The following USP34 variants were observed in gnomAD, a reference collection of about 807,000 sequenced individuals.
The protein encoded by USP34 is ubiquitin carboxyl-terminal hydrolase 34.
A neutral mutation model predicts 460.3 loss-of-function variants in USP34; 70 were observed. That is an observed-to-expected ratio of 0.15 (90% CI 0.13 to 0.19). USP34 has a LOEUF of 0.19. Ranked by LOEUF, USP34 falls within the 10% of genes least tolerant of loss-of-function variation. USP34 has a pLI of 1.00. For missense variants in USP34, 3,985 were observed against 4,236.2 expected (o/e 0.94, Z 1.65); for synonymous variants, 1,647 against 1,405.3 (o/e 1.17, Z -3.85).
intron 6 of USP34, among the ~76,000 whole-genome samples, chr2:61,382,856 T>G (rs1467341283): frequency 1.3e-5 from 2 of 152,364 alleles, no homozygotes; most frequent in East Asian, 3.9e-4. Context: ...CTATTTATCC[T>G]ATAATACTTA....
At chr2:61,324,216 T>G (rs1400592900) in intron 21 of USP34, among the ~76,000 whole-genome samples, 1 of 152,226 alleles carries the variant, frequency 6.6e-6, no homozygotes, top group Non-Finnish European at 1.5e-5. Flanking sequence ...GAAATCAAGC[T>G]CGTTCCTCTC....
chr2:61,279,699 T>A (rs1689478385), intron 39 of USP34, among the ~76,000 whole-genome samples: 1 of 152,142 alleles, frequency 6.6e-6, no homozygotes, highest in South Asian at 2.1e-4. Context: ...CTTTTGACCT[T>A]GTGATCCGCC....
intron 5 of USP34, among the ~76,000 whole-genome samples, chr2:61,386,516 C>A (rs901393618): frequency 3.3e-5 from 5 of 152,192 alleles, no homozygotes; most frequent in Admixed American, 2.0e-4. Flanking sequence ...TTTGGCCGGG[C>A]ACGGTGGCTC....
At chr2:61,462,565 A>AG (rs940977489) in intron 1 of USP34, among the ~76,000 whole-genome samples, 3 of 150,904 alleles carry the variant, frequency 2.0e-5, no homozygotes, top group African/African-American at 7.3e-5. Flanking sequence ...AAAAAAAAAA[A>AG]TCAATTCAGG....
intron 75 of USP34, chr2:61,199,999 GC>G (rs1195303125): frequency 6.6e-6 from 1 of 152,348 alleles, no homozygotes; most frequent in Non-Finnish European, 1.5e-5. Flanking sequence ...CATCAGCAGT[GC>G]CAGTCCCTCT....
At chr2:61,318,954 C>A (rs1335857419) in intron 22 of USP34, among the ~76,000 whole-genome samples, 2 of 151,984 alleles carry the variant, frequency 1.3e-5, no homozygotes, top group African/African-American at 4.8e-5. Flanking sequence ...GCTAATAGAA[C>A]ATTTTTATAA....
chr2:61,370,845 T>A (rs904251291), intron 8 of USP34, among the ~76,000 whole-genome samples: 3 of 152,194 alleles, frequency 2.0e-5, no homozygotes, highest in African/African-American at 4.8e-5. Flanking sequence ...TAACACTGAT[T>A]TAGTGATGTA....
chr2:61,248,588 T>A lies in USP34; in HGVS notation c.6317A>T (p.His2106Leu). The A allele has an allele frequency of 6.2e-7, 1 of 1,609,558 alleles. No individual in the cohort carries two copies. The highest frequency in any genetic ancestry group is 8.5e-7 in the Non-Finnish European group (1 of 1,176,984). The change falls in exon 49 of 80, where the codon CAC becomes CTC. Residue 2106 changes from histidine to leucine, a missense_variant. This residue lies in a region of USP34 where 145 missense variants were observed against 291.6 expected (regional missense o/e 0.50). Transcript: ENST00000398571. The part of the protein sequence containing the change: ...VTMMKEKVNT[H>L]FSFPLRLDMT... The stretch of plus-strand genomic sequence containing the variant: ...GTCCAAACGTAATGGGAAGGAAAAG[T>A]GTGTATTCACTTTCTCTTTCATCAT...
At chr2:61,409,894 C>T (rs1408021657) in intron 2 of USP34, among the ~76,000 whole-genome samples, 2 of 152,122 alleles carry the variant, frequency 1.3e-5, no homozygotes, top group Non-Finnish European at 2.9e-5. Flanking sequence ...GTGAGTCTAA[C>T]AGGGGAACAC....
chr2:61,333,325 C>A (rs114933535), intron 19 of USP34, among the ~76,000 whole-genome samples: 1,832 of 152,102 alleles, frequency 0.012, 25 homozygotes, highest in East Asian at 0.033. Flanking sequence ...CCGTAATATT[C>A]GCAGAATGCA....
chr2:61,227,619 G>A (rs1687766423), intron 61 of USP34, among the ~76,000 whole-genome samples: 1 of 152,000 alleles, frequency 6.6e-6, no homozygotes, highest in Admixed American at 6.6e-5. Context: ...GCTGAGGCAG[G>A]AAAATCGCCT....
chr2:61,242,495 ACACACAC>A (rs1688296495), intron 51 of USP34, among the ~76,000 whole-genome samples: 1 of 150,044 alleles, frequency 6.7e-6, no homozygotes, highest in Non-Finnish European at 1.5e-5. Context: ...ACACACACAC[ACACACAC>A]GATGCAAAGG....
chr2:61,434,010 G>A (rs1252268855), intron 1 of USP34, among the ~76,000 whole-genome samples: 2 of 152,124 alleles, frequency 1.3e-5, no homozygotes, highest in Non-Finnish European at 2.9e-5. Flanking sequence ...GGAACAGTCT[G>A]ACAGTCCCAT....
chr2:61,349,521 GC>G (rs887683161), intron 12 of USP34, among the ~76,000 whole-genome samples: 1 of 151,982 alleles, frequency 6.6e-6, no homozygotes, highest in African/African-American at 2.4e-5. Flanking sequence ...GTTTCAGAAA[GC>G]CCTTGAAAGC....
chr2:61,339,833 T>C lies in USP34; in HGVS notation c.2501-152A>G, dbSNP rs562890604. The C allele has an allele frequency of 4.2e-4, 189 of 453,376 alleles. 2 individuals carry two copies. In the South Asian group the frequency reaches 0.011, roughly 27 times the overall value. 28.1% of individuals were successfully genotyped at this position (453,376 alleles called of 1,614,324 possible). A position where few individuals can be genotyped will look rare whatever the true frequency, so the allele number is the denominator to read the frequency against. ...ATTAGCACAATATTTTGTTTTGTTT[T>C]GTTTTTGTTTTTTTTTTAAATAGAG... is the stretch of plus-strand genomic sequence containing the variant. On this transcript the variant is annotated intron_variant, in intron 16 of 79. Coordinates refer to ENST00000398571, the MANE Select transcript of USP34 (RefSeq NM_014709.4).
At chr2:61,328,552 A>C (rs552462333) in intron 20 of USP34, among the ~76,000 whole-genome samples, 13 of 152,294 alleles carry the variant, frequency 8.5e-5, no homozygotes, top group Admixed American at 8.5e-4. Flanking sequence ...AAAATAGTCC[A>C]GACAACATCT....
At chr2:61,307,782 T>C (rs559453213) in intron 27 of USP34, among the ~76,000 whole-genome samples, 1 of 152,162 alleles carries the variant, frequency 6.6e-6, no homozygotes, top group East Asian at 1.9e-4. Context: ...GCGCAGTGGG[T>C]CACCCCTGTA....
At chr2:61,258,197 T>TA (rs1233100692) in intron 44 of USP34, among the ~76,000 whole-genome samples, 1 of 151,720 alleles carries the variant, frequency 6.6e-6, no homozygotes, top group Non-Finnish European at 1.5e-5. Context: ...CTACAAAAAA[T>TA]AAAGAAGATA....
rs1687195477 is a variant in USP34, at chr2:61,208,990, A to G, written c.8841-13T>C. 6.5e-7 allele frequency: 1 copy of G among 1,542,140 alleles called. No homozygotes were observed. The highest frequency in any genetic ancestry group is 8.8e-7 in the Non-Finnish European group (1 of 1,140,198). On this transcript the variant is annotated splice_polypyrimidine_tract_variant and intron_variant, in intron 69 of 79. Transcript: ENST00000398571. ...TATTCTGAAGGCACTAGAAGAAAAC[A>G]TAAAGTTCAGTTTGAGAAGTCTGAA... is the stretch of plus-strand genomic sequence containing the variant.
Sources: gnomAD v4.1 joint callset for allele counts (sites outside exome capture counted in the v4.1 genomes callset) on GRCh38, gnomAD v4.1.1 for gene constraint, gnomAD v4.1.1 regional missense constraint, MANE v1.5 for transcripts, NCBI Gene and HGNC (gene_info 2026-07-23, HGNC 2026-07-21) for gene names.